MACF1: variants seen among roughly 807,000 people sequenced by gnomAD.
MACF1 encodes the protein microtubule actin crosslinking factor 1.
MACF1 carries 193 observed loss-of-function variants against 854.8 expected under a neutral mutation model. The ratio of observed to expected loss-of-function variants is 0.23; its 90% CI spans 0.20 to 0.25. MACF1 has a LOEUF of 0.25. Ranked by LOEUF, MACF1 falls within the 10% of genes least tolerant of loss-of-function variation. The pLI, the probability that MACF1 is intolerant of heterozygous loss-of-function variation, is 1.00. For missense variants in MACF1, 7,722 were observed against 8,929.1 expected, an observed-to-expected ratio of 0.86 and a Z score of 5.45; for synonymous variants, 3,185 against 3,226.7, an observed-to-expected ratio of 0.99 and a Z score of 0.44.
chr1:39,433,986 A>G (rs1043499485), intron 68 of MACF1, among the ~76,000 whole-genome samples: 5 of 152,284 alleles, frequency 3.3e-5, no homozygotes, highest in African/African-American at 1.2e-4. Flanking sequence ...AAGCTGAGGC[A>G]GGAGAATCCC....
intron 6 of MACF1, among the ~76,000 whole-genome samples, chr1:39,274,144 ATT>A: frequency 6.6e-6 from 1 of 152,152 alleles, no homozygotes; most frequent in Non-Finnish European, 1.5e-5. Context: ...ATAGGGACTT[ATT>A]ATACTATTCT....
At chr1:39,315,737 G>C in intron 27 of MACF1, 46 bp downstream of exon 27, 1 of 1,576,046 alleles carries the variant, frequency 6.3e-7, no homozygotes, top group Non-Finnish European at 8.7e-7. Flanking sequence ...TTTTCCATTG[G>C]GATAAGAAAG....
At position 39,387,467 on chromosome 1, in the gene MACF1, C is replaced by T. The variant is rs1203119368; in HGVS notation, c.14625C>T (p.Asn4875=). The change falls in exon 58 of 101, where the codon AAC becomes AAT. Residue 4875 remains asparagine (N), a synonymous_variant. Transcript: ENST00000564288. The part of the protein sequence containing the change: ...PPGEEKRTLQ[N]QLVELKNHWE... ...GAGAAGAGAAAAGGACTCTACAAAA[C>T]CAGTTGGTTGAGCTCAAAAACCATT... 1.2e-6 allele frequency: 2 copies of T among 1,613,992 alleles called. No individual in the cohort carries two copies. The highest frequency in any genetic ancestry group is 1.3e-5 in the African/African-American group (1 of 74,886).
At chr1:39,326,459 TC>T (rs1646612615) in intron 35 of MACF1, among the ~76,000 whole-genome samples, 1 of 152,038 alleles carries the variant, frequency 6.6e-6, no homozygotes, top group East Asian at 1.9e-4. Flanking sequence ...GGCGGGCAAA[TC>T]ACCTGAGGTC....
In MACF1 at chr1:39,323,026, C is replaced by G; in HGVS notation, c.4236+18C>G. 2 of 1,608,658 alleles carry G rather than the reference C, an allele frequency of 1.2e-6. No homozygotes were observed. Among genetic ancestry groups the G allele is most frequent in the South Asian group, 1.1e-5 (1 of 90,938 alleles). ...AGGAGGAGGTGAGGACAGTTGGGTC[C>G]AAAGTCATCTTGAAAGTACAGTAAA... On this transcript the variant is annotated intron_variant, in intron 33 of 100. Transcript: ENST00000564288.
At position 39,331,616 on chromosome 1, in the gene MACF1, T is replaced by A; in HGVS notation, c.5028T>A (p.Phe1676Leu). The change falls in exon 37 of 101, where the codon TTT becomes TTA. Residue 1676 changes from phenylalanine to leucine, a missense_variant. By Grantham distance (22) the Phe-to-Leu change is conservative. Around this residue, in one of 15 missense-constraint regions of MACF1, gnomAD observed 1,531 missense variants for 1,601.6 expected, o/e 0.96. Transcript: ENST00000564288. ...SENCINLEEA[F>L]HQGLISAWLH... ...ACTGTATTAACCTGGAAGAGGCTTTTCATCAAGGCCTCATTTCTGCATGGC... is the reference window on the plus strand; with the variant it reads ...ACTGTATTAACCTGGAAGAGGCTTTACATCAAGGCCTCATTTCTGCATGGC... 2.5e-6 allele frequency: 4 copies of A among 1,614,218 alleles called. No homozygotes were observed. Among genetic ancestry groups the A allele is most frequent in the Non-Finnish European group, 3.4e-6 (4 of 1,180,028 alleles).
chr1:39,139,498 C>A (rs1159969128), intron 2 of MACF1, among the ~76,000 whole-genome samples: 1 of 151,948 alleles, frequency 6.6e-6, no homozygotes, highest in Non-Finnish European at 1.5e-5. Flanking sequence ...CTCAAGTGAT[C>A]CTCCCATCTC....
Position 39,317,223 on chromosome 1 carries a change from A to G in MACF1, c.3598A>G (p.Ser1200Gly). Reference sequence around the variant, plus strand: ...ACTTATGTTTCCACAGCACTGGCTTAGTGATGTGAAGGACAAGAATTCAGT... The same window carrying G: ...ACTTATGTTTCCACAGCACTGGCTTGGTGATGTGAAGGACAAGAATTCAGT... ...AHWSTLRHWL[S>G]DVKDKNSVFS... Residue 1200 changes from serine to glycine, a missense_variant, in exon 29 of 101, where the codon AGT (serine) becomes GGT (glycine). Ser to Gly is a moderately conservative substitution (Grantham distance 56, BLOSUM62 0). Transcript: ENST00000564288. The G allele has an allele frequency of 5.0e-6, 8 of 1,613,764 alleles. No individual in the cohort carries two copies. Among genetic ancestry groups the G allele is most frequent in the Non-Finnish European group, 6.8e-6 (8 of 1,179,868 alleles).
In MACF1 at chr1:39,084,925, G is replaced by A. The variant is rs1414640857; in HGVS notation, c.220+487G>A. Among the ~76,000 whole-genome samples, 2 of 152,096 alleles carry A rather than the reference G, an allele frequency of 1.3e-5. No homozygotes were observed. Among genetic ancestry groups the A allele is most frequent in the African/African-American group, 4.8e-5 (2 of 41,408 alleles). Reference sequence around the variant, plus strand: ...CATGGTTAAGAATGATTTGACTTCTGTTATTTCCTTATAATGAAATCCTTG... The same window carrying A: ...CATGGTTAAGAATGATTTGACTTCTATTATTTCCTTATAATGAAATCCTTG... On this transcript the variant is annotated intron_variant, in intron 2 of 93. Coordinates refer to the MACF1 transcript ENST00000361689. The surrounding 1 kb of genome is among the most constrained non-coding windows in gnomAD (Gnocchi z 5.2).
In MACF1 at chr1:39,485,636, C is replaced by G. The variant is rs1645092002; in HGVS notation, c.22510C>G (p.Leu7504Val). 1.2e-6 allele frequency: 2 copies of G among 1,614,094 alleles called. No homozygotes were observed. The highest frequency in any genetic ancestry group is 2.7e-5 in the African/African-American group (2 of 74,932). Residue 7504 changes from leucine (L) to valine (V), a missense_variant, in exon 101 of 101, where the codon CTC (leucine) becomes GTC (valine). Coordinates refer to ENST00000564288, the MANE Select transcript of MACF1 (RefSeq NM_001394062.1). The stretch of plus-strand genomic sequence containing the variant: ...AGGAAGTGACGCTTCTGACTTTGAC[C>G]TCTTAGAGACGCAGTCTGCTTGTTC... ...RRGSDASDFD[L>V]LETQSACSDT...
In MACF1 at chr1:39,084,253, G is replaced by A. The variant is rs200446050; in HGVS notation, c.35G>A (p.Arg12Gln). The A allele has an allele frequency of 2.3e-4, 376 of 1,612,688 alleles. No homozygotes were observed. Among genetic ancestry groups the A allele is most frequent in the Non-Finnish European group, 3.0e-4 (351 of 1,179,258 alleles). ...TCAGATGAAGAGACGCTCAGTGAGCGGTCATGTCGGAGTGAGCGGTCTTGT... is the reference window on the plus strand; with the variant it reads ...TCAGATGAAGAGACGCTCAGTGAGCAGTCATGTCGGAGTGAGCGGTCTTGT... The change falls in exon 2 of 94, where the codon CGG becomes CAG. Residue 12 changes from arginine (R) to glutamine (Q), a missense_variant. Coordinates refer to the MACF1 transcript ENST00000361689. The surrounding 1 kb of genome is among the most constrained non-coding windows in gnomAD (Gnocchi z 5.2).
In MACF1 at chr1:39,284,395, A is replaced by T; in HGVS notation, c.1098A>T (p.Lys366Asn). 6.2e-7 allele frequency: 1 copy of T among 1,601,728 alleles called. No homozygotes were observed. Among genetic ancestry groups the T allele is most frequent in the South Asian group, 1.1e-5 (1 of 89,712 alleles). ...AAATTCTGGCCAAGGAGAGAGAAAA[A>T]GGAAGAATTGAGGAATTATATAAAT... Reference protein sequence around the residue: ...ETEILAKEREKGRIEELYKLL... With the variant: ...ETEILAKERENGRIEELYKLL... Residue 366 changes from lysine to asparagine, a missense_variant, in exon 11 of 101, where the codon AAA (lysine) becomes AAT (asparagine). By Grantham distance (94) the Lys-to-Asn change is moderately conservative. Around this residue, in one of 15 missense-constraint regions of MACF1, gnomAD observed 97 missense variants for 130.4 expected, o/e 0.74. Transcript: ENST00000564288.
At chr1:39,309,400 A>G (rs547619600) in intron 23 of MACF1, among the ~76,000 whole-genome samples, 170 bp from the exon 24 acceptor site, 3 of 152,110 alleles carry the variant, frequency 2.0e-5, no homozygotes, top group Non-Finnish European at 4.4e-5. Context: ...GCCCAGCCTC[A>G]ATTAATTTAG....
chr1:39,474,966 G>T (rs1438537996), intron 97 of MACF1, among the ~76,000 whole-genome samples: 6 of 152,166 alleles, frequency 3.9e-5, no homozygotes, highest in Admixed American at 3.9e-4. Context: ...AGTCCCATGG[G>T]ACTGCAGCCA....
chr1:39,203,736 T>C (rs1477016599), upstream of MACF1, among the ~76,000 whole-genome samples: 2 of 152,164 alleles, frequency 1.3e-5, no homozygotes, highest in African/African-American at 4.8e-5. Flanking sequence ...TGTAGCATAA[T>C]AGTTTTGAGA....
At chr1:39,360,378 G>C (rs1648082729) in intron 47 of MACF1, among the ~76,000 whole-genome samples, 1 of 151,798 alleles carries the variant, frequency 6.6e-6, no homozygotes, top group Non-Finnish European at 1.5e-5. Context: ...AGTTGTAGAT[G>C]TCAGATAAGA....
At chr1:39,201,926 G>C (rs1172788668), upstream of MACF1, among the ~76,000 whole-genome samples, 1 of 139,162 alleles carries the variant, frequency 7.2e-6, no homozygotes, top group Non-Finnish European at 1.5e-5. Flanking sequence ...CCATTCTCCA[G>C]ATAGCCACAT....
chr1:39,322,759 G>C (rs1646537472), intron 32 of MACF1, 44 bp downstream of exon 32: 1 of 1,595,680 alleles, frequency 6.3e-7, no homozygotes, highest in Admixed American at 1.7e-5. Context: ...CTTCCCTTAA[G>C]GAAAGATTCA....
intron 2 of MACF1, among the ~76,000 whole-genome samples, chr1:39,121,970 T>C (rs1642726159): frequency 6.6e-6 from 1 of 152,156 alleles, no homozygotes; most frequent in Non-Finnish European, 1.5e-5. Context: ...TCTGGGTTGC[T>C]TTAAGATTCC....
Sources: allele counts gnomAD v4.1 joint callset (sites outside exome capture counted in the v4.1 genomes callset), GRCh38; gene constraint gnomAD v4.1.1; regional missense constraint gnomAD v4.1.1; non-coding constraint Gnocchi (gnomAD v3.1); transcripts MANE v1.5; gene names NCBI Gene and HGNC (gene_info 2026-07-23, HGNC 2026-07-21).